KMT2C: variants seen among roughly 807,000 people sequenced by gnomAD.
KMT2C encodes lysine methyltransferase 2C.
In KMT2C, 88 loss-of-function variants were observed where a neutral mutation model predicts 507.9. That is an observed-to-expected ratio of 0.17 (90% CI 0.15 to 0.21). The LOEUF is 0.21. Ranked by LOEUF, KMT2C falls within the 10% of genes least tolerant of loss-of-function variation. The probability of loss-of-function intolerance (pLI) is 1.00; values close to 1 mark genes in which losing one functional copy is unlikely to be tolerated. For missense variants in KMT2C, 4,954 were observed against 5,957.8 expected, an observed-to-expected ratio of 0.83 and a Z score of 5.55; for synonymous variants, 2,049 against 2,080.8, an observed-to-expected ratio of 0.98 and a Z score of 0.42.
intron 23 of KMT2C, among the ~76,000 whole-genome samples, chr7:152,209,247 G>C (rs573346045): frequency 6.6e-6 from 1 of 151,738 alleles, no homozygotes; most frequent in East Asian, 1.9e-4. Context: ...ACGAGGTCAG[G>C]AGATCGAGAC....
At chr7:152,161,106 G>A (rs1029649941) in intron 43 of KMT2C, among the ~76,000 whole-genome samples, 8 of 152,194 alleles carry the variant, frequency 5.3e-5, no homozygotes, top group Non-Finnish European at 4.4e-5. Flanking sequence ...AGATGTCTTG[G>A]AGAAAGTGGA....
Position 152,331,137 on chromosome 7 carries a change from A to G in KMT2C, c.251-398T>C, listed in dbSNP as rs537590420. Among the ~76,000 whole-genome samples the G allele has an allele frequency of 5.9e-5, 9 of 152,156 alleles. No homozygotes were observed. The East Asian group carries it at 1.7e-3, about 29-fold the overall frequency. Reference sequence around the variant, plus strand: ...GGCCTGGGCAAGATGGTGAAACCTCATCTCAACAAAAAATGTAAAAATTAG... The same window carrying G: ...GGCCTGGGCAAGATGGTGAAACCTCGTCTCAACAAAAAATGTAAAAATTAG... On this transcript the variant is annotated intron_variant, in intron 2 of 58. Coordinates refer to ENST00000262189, the MANE Select transcript of KMT2C (RefSeq NM_170606.3).
At chr7:152,146,086 T>C (rs985846475) in intron 53 of KMT2C, among the ~76,000 whole-genome samples, 2 of 152,076 alleles carry the variant, frequency 1.3e-5, no homozygotes, top group South Asian at 4.2e-4. Flanking sequence ...TGTGTAGATA[T>C]GGTTCAGTTA....
intron 1 of KMT2C, among the ~76,000 whole-genome samples, chr7:152,421,585 T>A (rs1288223112): frequency 6.6e-6 from 1 of 152,208 alleles, no homozygotes; most frequent in Admixed American, 6.6e-5. Context: ...AATGATCCTT[T>A]GCAACAGCAT....
intron 6 of KMT2C, among the ~76,000 whole-genome samples, chr7:152,295,223 G>A (rs1371750873): frequency 6.6e-6 from 1 of 152,158 alleles, no homozygotes; most frequent in East Asian, 1.9e-4. Context: ...AAATATGTTT[G>A]TCTTCAAGTA....
intron 42 of KMT2C, among the ~76,000 whole-genome samples, chr7:152,165,760 C>A (rs1360875187): frequency 6.6e-6 from 1 of 152,180 alleles, no homozygotes; most frequent in Non-Finnish European, 1.5e-5. Flanking sequence ...GCAATCTCAG[C>A]TCACTGCAGC....
chr7:152,326,800 G>T (rs545934501), intron 3 of KMT2C, among the ~76,000 whole-genome samples: 3 of 152,114 alleles, frequency 2.0e-5, no homozygotes, highest in African/African-American at 7.2e-5. Context: ...AGAATCGCGC[G>T]AACCCGGGAG....
intron 1 of KMT2C, among the ~76,000 whole-genome samples, chr7:152,430,093 G>A (rs1297010655): frequency 4.6e-5 from 7 of 150,868 alleles, no homozygotes; most frequent in South Asian, 2.1e-4. Context: ...CAGGCGAATC[G>A]CTTGAATCCG....
At chr7:152,392,574 T>C (rs922631451) in intron 1 of KMT2C, among the ~76,000 whole-genome samples, 3 of 152,218 alleles carry the variant, frequency 2.0e-5, no homozygotes, top group East Asian at 3.8e-4. Flanking sequence ...CATTATCTTA[T>C]TGAAAGCGCA....
At chr7:152,269,254 TA>T (rs1333569275) in intron 7 of KMT2C, among the ~76,000 whole-genome samples, 1 of 152,224 alleles carries the variant, frequency 6.6e-6, no homozygotes, top group African/African-American at 2.4e-5. Context: ...TCATTGGTAA[TA>T]AATTAGTCAA....
intron 16 of KMT2C, among the ~76,000 whole-genome samples, chr7:152,235,070 C>CA (rs2095237852): frequency 6.6e-6 from 1 of 152,144 alleles, no homozygotes; most frequent in Non-Finnish European, 1.5e-5. Context: ...CACTTATATA[C>CA]AACTCTAGAA....
chr7:152,237,529 G>A lies in KMT2C; in HGVS notation c.2652+1178C>T, dbSNP rs573566458. 2.2e-3 allele frequency among the ~76,000 whole-genome samples: 341 copies of A among 152,216 alleles called. 1 individual carries two copies. The highest frequency in any genetic ancestry group is 6.8e-3 in the Middle Eastern group (2 of 294). ...TTGTTTATTTTTGAGATGGAGTCTC[G>A]CTTCTTTGCCCAGGCTGGAGTGCAA... On this transcript the variant is annotated intron_variant, in intron 15 of 58. Coordinates refer to ENST00000262189, the MANE Select transcript of KMT2C (RefSeq NM_170606.3).
intron 1 of KMT2C, among the ~76,000 whole-genome samples, chr7:152,360,990 C>T (rs1232219049): frequency 6.6e-6 from 1 of 151,920 alleles, no homozygotes; most frequent in Non-Finnish European, 1.5e-5. Flanking sequence ...TTGTCAAAAA[C>T]TATGAATGAA....
chr7:152,290,218 A>G (rs1334147665), intron 6 of KMT2C, among the ~76,000 whole-genome samples: 21 of 108,742 alleles, frequency 1.9e-4, no homozygotes, highest in African/African-American at 7.2e-4. Context: ...TTTTATATAT[A>G]TATGTGTGTG....
Position 152,330,645 on chromosome 7 carries a change from T to C in KMT2C, c.345A>G (p.Glu115=), listed in dbSNP as rs2096873839. The change falls in exon 3 of 59, where the codon GAA becomes GAG. Residue 115 remains glutamate (E), a synonymous_variant. Transcript: ENST00000262189. The part of the protein sequence containing the change: ...IPTLQRSVSE[E]SANSLVSVGV... ...CAACAGAGACCAGGGAGTTTGCCGATTCCTCAGACACAGATCGCTGAAGAG... is the reference window on the plus strand; with the variant it reads ...CAACAGAGACCAGGGAGTTTGCCGACTCCTCAGACACAGATCGCTGAAGAG... 3.7e-6 allele frequency: 6 copies of C among 1,614,186 alleles called. No homozygotes were observed. The highest frequency in any genetic ancestry group is 1.6e-4 in the Middle Eastern group (1 of 6,062).
chr7:152,233,699 TTAAAA>T (rs1409555599), intron 16 of KMT2C, among the ~76,000 whole-genome samples: 1 of 152,136 alleles, frequency 6.6e-6, no homozygotes, highest in Admixed American at 6.6e-5. Context: ...TCTACAGGTA[TTAAAA>T]TAATAAGAAA....
In KMT2C at chr7:152,315,354, T is replaced by C. The variant is rs2129202764; in HGVS notation, c.390-16A>G. ...GAGCTGTTCACTAGTAAAAATGAAA[T>C]GTAAGTCAGAGAAGGAGAAAAGTAG... On this transcript the variant is annotated splice_polypyrimidine_tract_variant and intron_variant, in intron 3 of 58. Coordinates refer to ENST00000262189, the MANE Select transcript of KMT2C (RefSeq NM_170606.3). 6.2e-7 allele frequency: 1 copy of C among 1,600,186 alleles called. No homozygotes were observed.
At position 152,263,214 on chromosome 7, in the gene KMT2C, G is replaced by C. The variant is rs766057260; in HGVS notation, c.1185-84C>G. The stretch of plus-strand genomic sequence containing the variant: ...AGTAATCATGAAAATAATCAGTCCT[G>C]GGAACTGCACAGTTCATAAATACCT... On this transcript the variant is annotated intron_variant, in intron 8 of 58. Transcript: ENST00000262189. 2.5e-6 allele frequency: 3 copies of C among 1,193,044 alleles called. No individual in the cohort carries two copies. The Admixed American group carries it at 5.8e-5, about 23-fold the overall frequency. 73.9% of individuals were successfully genotyped at this position (1,193,044 alleles called of 1,614,324 possible). A position where few individuals can be genotyped will look rare whatever the true frequency, so the allele number is the denominator to read the frequency against.
In KMT2C at chr7:152,162,756, T is replaced by C; in HGVS notation, c.10821A>G (p.Thr3607=). Residue 3607 remains threonine, a synonymous_variant, in exon 43 of 59, where the codon ACA becomes ACG. Coordinates refer to ENST00000262189, the MANE Select transcript of KMT2C (RefSeq NM_170606.3). ...CATCATCATCTCTTTTCTTCTTTCT[T>C]GTTCTTTTCTTTTTCCCTTTTTCCT... ...IPEEKGKKKR[T]RKKKRDDDAE... is the part of the protein sequence containing the mutation. The C allele has an allele frequency of 1.2e-6, 2 of 1,614,204 alleles. No individual in the cohort carries two copies. Among genetic ancestry groups the C allele is most frequent in the Non-Finnish European group, 1.7e-6 (2 of 1,180,036 alleles).
Sources: allele counts gnomAD v4.1 joint callset (sites outside exome capture counted in the v4.1 genomes callset), GRCh38; gene constraint gnomAD v4.1.1; transcripts MANE v1.5; gene names NCBI Gene and HGNC (gene_info 2026-07-23, HGNC 2026-07-21).